The following GRIK1 variants were observed in gnomAD, a reference collection of about 807,000 sequenced individuals.
GRIK1 encodes the protein glutamate receptor ionotropic, kainate 1.
A neutral mutation model predicts 105.7 loss-of-function variants in GRIK1; 69 were observed. The ratio of observed to expected loss-of-function variants is 0.65; its 90% CI spans 0.54 to 0.80. The LOEUF (loss-of-function observed/expected upper bound fraction) is 0.80, where lower values mean the gene tolerates loss of function less well. GRIK1 is among the 30% of genes least tolerant of loss of function. The pLI is 0.00. For missense variants in GRIK1, 1,109 were observed against 1,167.3 expected (o/e 0.95, Z 0.73); for synonymous variants, 438 against 431.3 (o/e 1.02, Z -0.19).
At chr21:29,720,161 A>G (rs2064284478) in intron 1 of GRIK1, among the ~76,000 whole-genome samples, 1 of 152,214 alleles carries the variant, frequency 6.6e-6, no homozygotes, top group Non-Finnish European at 1.5e-5. Flanking sequence ...ACAATCCCTG[A>G]GTCACATGAA....
At chr21:29,599,773 A>G (rs1302704366) in intron 7 of GRIK1, among the ~76,000 whole-genome samples, 1 of 152,158 alleles carries the variant, frequency 6.6e-6, no homozygotes, top group Non-Finnish European at 1.5e-5. Context: ...AGCCTGGGCA[A>G]CAGAGCAAGA....
intron 16 of GRIK1, chr21:29,553,348 T>C (rs1601090737): frequency 1.7e-6 from 2 of 1,189,736 alleles, no homozygotes; most frequent in African/African-American, 1.6e-5. Flanking sequence ...TCTAGAAGTC[T>C]TTATACCCCT....
At chr21:29,557,667 T>G (rs1466734921) in intron 15 of GRIK1, among the ~76,000 whole-genome samples, 4 of 152,194 alleles carry the variant, frequency 2.6e-5, no homozygotes, top group African/African-American at 9.6e-5. Context: ...TTATGGCTTA[T>G]CAAGAGTATG....
intron 1 of GRIK1, among the ~76,000 whole-genome samples, chr21:29,753,651 A>G (rs919902615): frequency 2.0e-5 from 3 of 152,228 alleles, no homozygotes; most frequent in African/African-American, 7.2e-5. Context: ...TCTGTTCTAG[A>G]GTATAAAAGC....
chr21:29,558,610 T>C (rs1483935271), intron 15 of GRIK1, among the ~76,000 whole-genome samples: 1 of 151,662 alleles, frequency 6.6e-6, no homozygotes, highest in African/African-American at 2.4e-5. Context: ...TCTTTTCATC[T>C]AGGAAGTGGG....
chr21:29,838,855 G>A (rs968868475), intron 1 of GRIK1, among the ~76,000 whole-genome samples: 3 of 152,086 alleles, frequency 2.0e-5, no homozygotes, highest in Non-Finnish European at 2.9e-5. Flanking sequence ...TTTGTCACAA[G>A]TTACTAACCT....
intron 15 of GRIK1, among the ~76,000 whole-genome samples, chr21:29,561,353 T>C (rs930109981): frequency 6.6e-5 from 10 of 152,176 alleles, no homozygotes; most frequent in African/African-American, 1.7e-4. Flanking sequence ...CTCTTTAAGA[T>C]ATTTGGGGTG....
chr21:29,692,667 G>A (rs576062965), intron 2 of GRIK1, among the ~76,000 whole-genome samples: 18 of 152,218 alleles, frequency 1.2e-4, no homozygotes, highest in Admixed American at 9.2e-4. Context: ...TCTACTTCCC[G>A]GGTTCACACT....
intron 1 of GRIK1, among the ~76,000 whole-genome samples, chr21:29,703,753 T>C (rs2063855541): frequency 6.6e-6 from 1 of 152,162 alleles, no homozygotes; most frequent in Non-Finnish European, 1.5e-5. Flanking sequence ...AACAGAGCTG[T>C]GGTTAAGGAC....
intron 1 of GRIK1, among the ~76,000 whole-genome samples, chr21:29,855,979 C>T (rs893168069): frequency 6.6e-6 from 1 of 152,064 alleles, no homozygotes; most frequent in Non-Finnish European, 1.5e-5. Context: ...GGGGGAAACA[C>T]ATTTGGAGAG....
intron 14 of GRIK1, among the ~76,000 whole-genome samples, chr21:29,568,513 A>C (rs55951908): frequency 0.1 from 15,462 of 152,260 alleles, 909 homozygotes; most frequent in African/African-American, 0.15. Flanking sequence ...TCCCTAGACC[A>C]TGAAAGCCAG....
At chr21:29,790,391 G>C (rs1382433355) in intron 1 of GRIK1, among the ~76,000 whole-genome samples, 7 of 151,948 alleles carry the variant, frequency 4.6e-5, no homozygotes, top group African/African-American at 1.7e-4. Flanking sequence ...CCAGTAAGAA[G>C]GCCCAATAAA....
intron 11 of GRIK1, 35 bp from the exon 12 acceptor site, chr21:29,587,624 T>C: frequency 3.1e-6 from 4 of 1,289,992 alleles, no homozygotes; most frequent in Non-Finnish European, 4.5e-6. Flanking sequence ...CAGCTTAGTC[T>C]AGTTTCTTTG....
chr21:29,895,748 T>A (rs2070123549), intron 1 of GRIK1, among the ~76,000 whole-genome samples: 1 of 152,216 alleles, frequency 6.6e-6, no homozygotes, highest in Admixed American at 6.5e-5. Flanking sequence ...GATTTTGGAA[T>A]CAGACGTATA....
chr21:29,773,071 T>C (rs149924839), intron 1 of GRIK1, among the ~76,000 whole-genome samples: 1 of 152,326 alleles, frequency 6.6e-6, no homozygotes, highest in East Asian at 1.9e-4. Flanking sequence ...AACTTATAGA[T>C]GGGTGCAAGA....
At chr21:29,901,260 A>T (rs2070395490) in intron 1 of GRIK1, among the ~76,000 whole-genome samples, 1 of 152,182 alleles carries the variant, frequency 6.6e-6, no homozygotes, top group Non-Finnish European at 1.5e-5. Context: ...GAGCAAACAA[A>T]TACAAAAGCT....
At chr21:29,554,961 C>T (rs2090211549) in intron 16 of GRIK1, 91 bp downstream of exon 16, 1 of 1,106,616 alleles carries the variant, frequency 9.0e-7, no homozygotes, top group East Asian at 2.4e-5. Context: ...ATTCAATAGA[C>T]TGAAAAAGAG....
intron 1 of GRIK1, among the ~76,000 whole-genome samples, chr21:29,807,479 G>A (rs2066897133): frequency 6.6e-6 from 1 of 152,012 alleles, no homozygotes; most frequent in African/African-American, 2.4e-5. Flanking sequence ...ATAGGGTCAG[G>A]TTGCTTGTAT....
intron 3 of GRIK1, among the ~76,000 whole-genome samples, chr21:29,685,365 T>C (rs1601448251): frequency 6.6e-6 from 1 of 152,108 alleles, no homozygotes; most frequent in East Asian, 1.9e-4. Context: ...CAAGTTAAAG[T>C]AGAGAAGAGA....
Sources: gnomAD v4.1 joint callset for allele counts (sites outside exome capture counted in the v4.1 genomes callset) on GRCh38, gnomAD v4.1.1 for gene constraint, MANE v1.5 for transcripts, NCBI Gene and HGNC (gene_info 2026-07-23, HGNC 2026-07-21) for gene names.